SLC25A23: variants seen among roughly 807,000 people sequenced by gnomAD.
SLC25A23 encodes mitochondrial adenyl nucleotide antiporter SLC25A23.
SLC25A23 carries 32 observed loss-of-function variants against 53.9 expected under a neutral mutation model. That is an observed-to-expected ratio of 0.59 (90% CI 0.45 to 0.80). The LOEUF is 0.80. SLC25A23 is among the 30% of genes least tolerant of loss of function. The pLI is 0.00. For synonymous variants in SLC25A23, 275 were observed against 264.5 expected (o/e 1.04, Z -0.38); for missense variants, 575 against 651.4 (o/e 0.88, Z 1.28).
chr19:6,442,020 C>G lies in SLC25A23; in HGVS notation c.1362G>C (p.Val454=). Reference sequence around the variant, plus strand: ...AGGCCTGCTTCATGTTCTCGTAGACCACATAGGAGATGCTCACAGCTGGAA... The same window carrying G: ...AGGCCTGCTTCATGTTCTCGTAGACGACATAGGAGATGCTCACAGCTGGAA... The part of the protein sequence containing the change: ...KVIPAVSISY[V]VYENMKQALG... The change falls in exon 10 of 10, where the codon GTG becomes GTC. Residue 454 remains valine, a synonymous_variant. Transcript: ENST00000301454. The G allele has an allele frequency of 6.2e-7, 1 of 1,613,868 alleles. No homozygotes were observed. The highest frequency in any genetic ancestry group is 8.5e-7 in the Non-Finnish European group (1 of 1,179,910).
rs1473715570 is a variant in SLC25A23 at position 6,440,841 on chromosome 19, G to A, written c.*1134C>T. 2 of 152,266 alleles carry A rather than the reference G, an allele frequency of 1.3e-5. No homozygotes were observed. Among genetic ancestry groups the A allele is most frequent in the Non-Finnish European group, 2.9e-5 (2 of 68,106 alleles). The allele number at this position is 152,266 out of a possible 1,614,324, so 9.4% of individuals were successfully genotyped here. On this transcript the variant is annotated 3_prime_UTR_variant, in exon 10 of 10. Coordinates refer to ENST00000301454, the MANE Select transcript of SLC25A23 (RefSeq NM_024103.3). The stretch of plus-strand genomic sequence containing the variant: ...GGATACTCTGTGACTGGGCTGCCAG[G>A]ATCTAGACTTGGGGCCTGAACATTT...
downstream of SLC25A23, among the ~76,000 whole-genome samples, chr19:6,436,819 A>G (rs2092328179): frequency 6.6e-6 from 1 of 150,896 alleles, no homozygotes; most frequent in South Asian, 2.1e-4. Flanking sequence ...AAATGCTAGG[A>G]TTATAGACGT....
intron 9 of SLC25A23, 101 bp from the exon 10 acceptor site, chr19:6,442,260 G>T: frequency 1.3e-6 from 1 of 778,468 alleles, no homozygotes; most frequent in Non-Finnish European, 2.0e-6. Context: ...TGCAGCAGGA[G>T]GGAAGGAGGT....
intron 8 of SLC25A23, among the ~76,000 whole-genome samples, chr19:6,446,192 C>G (rs2092502038): frequency 6.6e-6 from 1 of 152,044 alleles, no homozygotes; most frequent in African/African-American, 2.4e-5. Context: ...GGCGAAACTC[C>G]ATCTCTACTA....
chr19:6,451,854 G>T (rs2092596804), intron 8 of SLC25A23, among the ~76,000 whole-genome samples: 1 of 120,380 alleles, frequency 8.3e-6, no homozygotes. Context: ...TTTTTGAGAA[G>T]GAGTCTCGCT....
rs756085750 is a variant in SLC25A23, at chr19:6,456,521, C to T, written c.382G>A (p.Asp128Asn). The change falls in exon 4 of 10, where the codon GAC (aspartate) becomes AAC (asparagine). Residue 128 changes from aspartate to asparagine, a missense_variant. Transcript: ENST00000301454. ...AEKILHSMDRDGTMTIDWQEW... is the reference protein window; with the variant it reads ...AEKILHSMDRNGTMTIDWQEW... ...TGCCAGTCAATGGTCATTGTGCCGT[C>T]TCGGTCCATGCTGGGGGGAAGAAAG... 14 of 1,613,176 alleles carry T rather than the reference C, an allele frequency of 8.7e-6. No individual in the cohort carries two copies. The African/African-American group carries it at 1.3e-4, about 15-fold the overall frequency.
chr19:6,445,311 G>C (rs1221231123), intron 8 of SLC25A23, among the ~76,000 whole-genome samples: 1 of 151,882 alleles, frequency 6.6e-6, no homozygotes, highest in Admixed American at 6.6e-5. Context: ...GTTTCACCAT[G>C]TTGGCCAGAG....
chr19:6,442,171 CG>C lies in SLC25A23; in HGVS notation c.1223-13del, dbSNP rs137977466. On this transcript the variant is annotated splice_polypyrimidine_tract_variant and intron_variant, in intron 9 of 9. Transcript: ENST00000301454. ...ACCCTCGATGGAGGCTGGGAGGGGG[CG>C]GGGGGGGCACCAGGTAAGGCCAACG... is the stretch of plus-strand genomic sequence containing the variant. 6.2e-4 allele frequency: 372 copies of C among 597,574 alleles called. 1 individual carries two copies. The highest frequency in any genetic ancestry group is 7.8e-4 in the Non-Finnish European group (298 of 384,274). The allele number at this position is 597,574 out of a possible 1,614,324, so 37.0% of individuals were successfully genotyped here.
At chr19:6,457,447 G>GC in intron 3 of SLC25A23, 56 bp downstream of exon 3, 1 of 1,482,138 alleles carries the variant, frequency 6.7e-7, no homozygotes, top group African/African-American at 1.4e-5. Flanking sequence ...GACAGAGATG[G>GC]CCAAGGGGTC....
chr19:6,437,577 A>G (rs568475427), downstream of SLC25A23, among the ~76,000 whole-genome samples: 66 of 151,928 alleles, frequency 4.3e-4, no homozygotes, highest in African/African-American at 1.5e-3. Flanking sequence ...TGGGAGGCTG[A>G]GGCAGGCGGA....
downstream of SLC25A23, chr19:6,438,683 T>C: frequency 4.7e-6 from 1 of 213,692 alleles, no homozygotes; most frequent in South Asian, 4.8e-5. Flanking sequence ...ACCTGGTCTC[T>C]ACTAAAAATA....
chr19:6,437,910 C>CAAA (rs1222700150), downstream of SLC25A23, among the ~76,000 whole-genome samples: 1 of 118,448 alleles, frequency 8.4e-6, no homozygotes, highest in East Asian at 2.4e-4. Flanking sequence ...ACTAAAAATA[C>CAAA]AAAAAAAAAA....
At chr19:6,443,602 C>T (rs540417083) in intron 9 of SLC25A23, 37 of 702,802 alleles carry the variant, frequency 5.3e-5, no homozygotes, top group Admixed American at 1.2e-4. Flanking sequence ...CCTTCCTCTC[C>T]GGCCTGTGAG....
intron 8 of SLC25A23, 37 bp from the exon 9 acceptor site, chr19:6,444,338 G>GC: frequency 1.3e-6 from 2 of 1,496,044 alleles, no homozygotes; most frequent in Non-Finnish European, 1.8e-6. Context: ...GTTGGGGTGG[G>GC]TGACCCTAGG....
chr19:6,456,227 G>A (rs2092680694), intron 4 of SLC25A23, 193 bp downstream of exon 4: 1 of 1,028,770 alleles, frequency 9.7e-7, no homozygotes, highest in Admixed American at 2.6e-5. Context: ...AGACAGCAGA[G>A]ATGTCCCAAA....
intron 7 of SLC25A23, among the ~76,000 whole-genome samples, 161 bp downstream of exon 7, chr19:6,453,820 G>A (rs536642278): frequency 7.9e-5 from 12 of 152,312 alleles, no homozygotes; most frequent in Admixed American, 2.0e-4. Context: ...GTAATACCCA[G>A]ACAGGCTACA....
chr19:6,443,631 C>G, intron 9 of SLC25A23: 1 of 702,546 alleles, frequency 1.4e-6, no homozygotes, highest in Non-Finnish European at 2.6e-6. Context: ...GGGTGGGGAC[C>G]GTGTCCGTCT....
intron 8 of SLC25A23, among the ~76,000 whole-genome samples, chr19:6,450,702 G>A (rs1294707358): frequency 6.6e-6 from 1 of 152,196 alleles, no homozygotes; most frequent in Non-Finnish European, 1.5e-5. Context: ...GGTAAAGATG[G>A]CAGGAACAGA....
At chr19:6,436,232 G>T, downstream of SLC25A23, 1 of 281,668 alleles carries the variant, frequency 3.6e-6, no homozygotes, top group South Asian at 3.3e-5. Flanking sequence ...CTGTTCCCGT[G>T]ATCAGTGTTT....
Sources: allele counts gnomAD v4.1 joint callset (sites outside exome capture counted in the v4.1 genomes callset), GRCh38; gene constraint gnomAD v4.1.1; transcripts MANE v1.5; gene names NCBI Gene and HGNC (gene_info 2026-07-23, HGNC 2026-07-21).